RPS6KA2: variants seen among roughly 807,000 people sequenced by gnomAD.
RPS6KA2 encodes the protein ribosomal protein S6 kinase A2.
In RPS6KA2, 42 loss-of-function variants were observed where a neutral mutation model predicts 91.8. The ratio of observed to expected loss-of-function variants is 0.46; its 90% CI spans 0.36 to 0.59. The LOEUF (loss-of-function observed/expected upper bound fraction) is 0.59, where lower values mean the gene tolerates loss of function less well. Among genes scored for constraint, RPS6KA2 ranks in the 20% least tolerant of loss-of-function variants. The probability of loss-of-function intolerance (pLI) is 0.00; values close to 1 mark genes in which losing one functional copy is unlikely to be tolerated. For missense variants in RPS6KA2, 798 were observed against 978.5 expected (o/e 0.82, Z 2.46); for synonymous variants, 414 against 393.6 (o/e 1.05, Z -0.61).
chr6:166,698,543 AGT>A (rs1310438884), intron 2 of RPS6KA2, among the ~76,000 whole-genome samples: 2 of 152,246 alleles, frequency 1.3e-5, no homozygotes, highest in Admixed American at 6.5e-5. Context: ...CCATCTGCCC[AGT>A]GTGTGTCTTT....
At chr6:166,544,145 A>G (rs983857684) in intron 1 of RPS6KA2, among the ~76,000 whole-genome samples, 2 of 152,096 alleles carry the variant, frequency 1.3e-5, no homozygotes, top group Non-Finnish European at 2.9e-5. Context: ...TCCCCAGCTC[A>G]CTCACACTTT....
chr6:166,760,244 T>C (rs1245638514), intron 2 of RPS6KA2, among the ~76,000 whole-genome samples: 1 of 152,248 alleles, frequency 6.6e-6, no homozygotes, highest in Non-Finnish European at 1.5e-5. Flanking sequence ...GGTGGGCTCA[T>C]TCTGGTGAAC....
intron 2 of RPS6KA2, among the ~76,000 whole-genome samples, chr6:166,724,454 C>T (rs1790278123): frequency 6.6e-6 from 1 of 151,548 alleles, no homozygotes; most frequent in Non-Finnish European, 1.5e-5. Context: ...AAAAAAAACA[C>T]CAAAATCCTT....
chr6:166,797,045 G>C (rs893153377), intron 2 of RPS6KA2, among the ~76,000 whole-genome samples: 5 of 152,202 alleles, frequency 3.3e-5, no homozygotes, highest in African/African-American at 1.2e-4. Flanking sequence ...TCTCACGCCC[G>C]AGCAAAGCAG....
intron 20 of RPS6KA2, among the ~76,000 whole-genome samples, 166 bp downstream of exon 20, chr6:166,413,628 G>A (rs1312432621): frequency 5.9e-5 from 9 of 152,358 alleles, no homozygotes; most frequent in East Asian, 5.8e-4. Context: ...AATACTGCAC[G>A]TGTCTGGTGA....
Position 166,508,083 on chromosome 6 carries a change from A to C in RPS6KA2, c.459+120T>G, listed in dbSNP as rs9459685. 105,932 of 541,852 alleles carry C rather than the reference A, an allele frequency of 0.2. 10,188 individuals carry two copies. The highest frequency in any genetic ancestry group is 0.32 in the Admixed American group (11,439 of 35,494). The allele number at this position is 541,852 out of a possible 1,614,324, so 33.6% of individuals were successfully genotyped here. ...CACACTCACACATGCACACACCCCCACACACACACACGCACTCTCGCACGT... is the reference window on the plus strand; with the variant it reads ...CACACTCACACATGCACACACCCCCCCACACACACACGCACTCTCGCACGT... On this transcript the variant is annotated intron_variant, in intron 5 of 20. Coordinates refer to ENST00000265678, the MANE Select transcript of RPS6KA2 (RefSeq NM_021135.6). The surrounding 1 kb of genome is among the most constrained non-coding windows in gnomAD (Gnocchi z 4.3).
chr6:166,454,484 C>G (rs1400204792), intron 12 of RPS6KA2, among the ~76,000 whole-genome samples: 1 of 150,474 alleles, frequency 6.6e-6, no homozygotes, highest in Non-Finnish European at 1.5e-5. Flanking sequence ...GGTGACAGAG[C>G]GAGACTCTGT....
At chr6:166,712,043 C>T (rs1214915618) in intron 2 of RPS6KA2, among the ~76,000 whole-genome samples, 2 of 152,236 alleles carry the variant, frequency 1.3e-5, no homozygotes, top group African/African-American at 4.8e-5. Context: ...CACCTCTATA[C>T]ACATGGATTT....
intron 2 of RPS6KA2, among the ~76,000 whole-genome samples, chr6:166,808,700 G>C (rs1440645586): frequency 1.3e-5 from 2 of 152,208 alleles, no homozygotes; most frequent in African/African-American, 2.4e-5. Context: ...GAAAGTTAAA[G>C]TATTTAAGTA....
intron 2 of RPS6KA2, among the ~76,000 whole-genome samples, chr6:166,731,178 G>T (rs1018395451): frequency 3.9e-5 from 6 of 152,112 alleles, no homozygotes; most frequent in African/African-American, 1.4e-4. Flanking sequence ...GGAGGTGGAG[G>T]TTGCGGTGAG....
intron 1 of RPS6KA2, among the ~76,000 whole-genome samples, chr6:166,601,139 C>G (rs1439535269): frequency 1.3e-5 from 2 of 152,200 alleles, no homozygotes; most frequent in East Asian, 3.8e-4. Flanking sequence ...TGGGCACCCA[C>G]AGGCCACAAG....
intron 2 of RPS6KA2, among the ~76,000 whole-genome samples, chr6:166,754,260 G>A (rs1445248792): frequency 6.6e-6 from 1 of 152,228 alleles, no homozygotes. Context: ...AGGTGTGGCA[G>A]GGCAACAGGT....
rs1018196977 is a variant in RPS6KA2, at chr6:166,419,026, C to A, written c.1821-684G>T. 1.3e-5 allele frequency among the ~76,000 whole-genome samples: 2 copies of A among 152,208 alleles called. No homozygotes were observed. Among genetic ancestry groups the A allele is most frequent in the African/African-American group, 4.8e-5 (2 of 41,456 alleles). On this transcript the variant is annotated intron_variant, in intron 18 of 20. Coordinates refer to ENST00000265678, the MANE Select transcript of RPS6KA2 (RefSeq NM_021135.6). The surrounding 1 kb of genome is among the most constrained non-coding windows in gnomAD (Gnocchi z 5.6). ...ATTGGTAAGAAACTGAGGTTCCTTCCTTTGCTACTGCAGTCCTCAGGGTGC... is the reference window on the plus strand; with the variant it reads ...ATTGGTAAGAAACTGAGGTTCCTTCATTTGCTACTGCAGTCCTCAGGGTGC...
intron 3 of RPS6KA2, among the ~76,000 whole-genome samples, chr6:166,516,926 A>G (rs1233945862): frequency 6.6e-6 from 1 of 152,240 alleles, no homozygotes; most frequent in Non-Finnish European, 1.5e-5. Context: ...AAGAGCATCT[A>G]AAAATCCTCT....
chr6:166,812,430 C>T (rs535902712), intron 2 of RPS6KA2, among the ~76,000 whole-genome samples: 1 of 152,320 alleles, frequency 6.6e-6, no homozygotes, highest in East Asian at 1.9e-4. Flanking sequence ...TCCCACAGCC[C>T]CCTTGCCTCT....
chr6:166,707,139 C>T (rs972037056), intron 2 of RPS6KA2, among the ~76,000 whole-genome samples: 1 of 152,230 alleles, frequency 6.6e-6, no homozygotes, highest in African/African-American at 2.4e-5. Flanking sequence ...GAAGAGAAAA[C>T]CAGCATCTGC....
intron 3 of RPS6KA2, among the ~76,000 whole-genome samples, chr6:166,515,544 G>A (rs1044232103): frequency 6.6e-6 from 1 of 152,214 alleles, no homozygotes; most frequent in Non-Finnish European, 1.5e-5. Context: ...ACACTCTGAA[G>A]GGCAAAATCT....
chr6:166,850,355 T>C (rs932097054), intron 2 of RPS6KA2, among the ~76,000 whole-genome samples: 1 of 152,084 alleles, frequency 6.6e-6, no homozygotes, highest in Non-Finnish European at 1.5e-5. Flanking sequence ...TATATGTATA[T>C]AAATCTTACC....
rs536113588 is a variant in RPS6KA2, at chr6:166,485,457, T to TGGGAGGGTTACTTCCTCCC, written c.907+3357_907+3375dup. Among the ~76,000 whole-genome samples, 689 of 152,326 alleles carry TGGGAGGGTTACTTCCTCCC rather than the reference T, an allele frequency of 4.5e-3. 6 individuals carry two copies. Among genetic ancestry groups the TGGGAGGGTTACTTCCTCCC allele is most frequent in the African/African-American group, 0.016 (664 of 41,576 alleles). Reference sequence around the variant, plus strand: ...CAGCGAGCCCCTGATCCCCTCCAGCTGGGAGGGTTACTTCCTCCCAGAAGG... The same window carrying TGGGAGGGTTACTTCCTCCC: ...CAGCGAGCCCCTGATCCCCTCCAGCTGGGAGGGTTACTTCCTCCCGGGAGGGTTACTTCCTCCCAGAAGG... On this transcript the variant is annotated intron_variant, in intron 10 of 20. Coordinates refer to ENST00000265678, the MANE Select transcript of RPS6KA2 (RefSeq NM_021135.6).
Sources: allele counts gnomAD v4.1 joint callset (sites outside exome capture counted in the v4.1 genomes callset), GRCh38; gene constraint gnomAD v4.1.1; non-coding constraint Gnocchi (gnomAD v3.1); transcripts MANE v1.5; gene names NCBI Gene and HGNC (gene_info 2026-07-23, HGNC 2026-07-21).